Variants in GBE1 observed in about 807,000 individuals in gnomAD.
GBE1 encodes the protein 1,4-alpha-glucan branching enzyme 1.
GBE1 carries 70 observed loss-of-function variants against 88.8 expected under a neutral mutation model. The ratio of observed to expected loss-of-function variants is 0.79; its 90% CI spans 0.65 to 0.96. GBE1 has a LOEUF of 0.96. Among genes scored for constraint, GBE1 ranks in the 40% least tolerant of loss-of-function variants. GBE1 has a pLI of 0.00. For missense variants in GBE1, 872 were observed against 871.0 expected (o/e 1.00, Z -0.01); for synonymous variants, 284 against 300.1 (o/e 0.95, Z 0.56).
At chr3:81,491,395 A>T (rs1702434525) in intron 15 of GBE1, among the ~76,000 whole-genome samples, 1 of 152,176 alleles carries the variant, frequency 6.6e-6, no homozygotes, top group Non-Finnish European at 1.5e-5. Context: ...TCTAACCCTC[A>T]GTTGGTGCCA....
intron 1 of GBE1, among the ~76,000 whole-genome samples, chr3:81,730,548 A>G (rs1023280176): frequency 5.3e-5 from 8 of 152,184 alleles, no homozygotes; most frequent in Admixed American, 3.9e-4. Flanking sequence ...AGCTAACACT[A>G]CTGTGTGGCC....
At chr3:81,750,533 A>AGG in intron 1 of GBE1, among the ~76,000 whole-genome samples, 1 of 76,242 alleles carries the variant, frequency 1.3e-5, no homozygotes, top group East Asian at 1.4e-3. Flanking sequence ...TCATATATAT[A>AGG]TATACGTATA....
intron 10 of GBE1, among the ~76,000 whole-genome samples, chr3:81,582,009 T>G (rs1011295157): frequency 6.6e-6 from 1 of 152,084 alleles, no homozygotes; most frequent in Non-Finnish European, 1.5e-5. Flanking sequence ...TGTGAAACTC[T>G]TGCTTTATAT....
At position 81,761,478 on chromosome 3, in the gene GBE1, A is replaced by T; in HGVS notation, c.40T>A (p.Tyr14Asn). ...PMTPAARPEDYEAALNAALAD... is the reference protein window; with the variant it reads ...PMTPAARPEDNEAALNAALAD... ...AGGGCGGCATTGAGCGCCGCCTCGTAGTCCTCGGGCCGAGCCGCGGGAGTC... is the reference window on the plus strand; with the variant it reads ...AGGGCGGCATTGAGCGCCGCCTCGTTGTCCTCGGGCCGAGCCGCGGGAGTC... Residue 14 changes from tyrosine (Y) to asparagine (N), a missense_variant, in exon 1 of 16, where the codon TAC (tyrosine) becomes AAC (asparagine). Coordinates refer to ENST00000429644, the MANE Select transcript of GBE1 (RefSeq NM_000158.4). 1 of 1,612,708 alleles carries T rather than the reference A, an allele frequency of 6.2e-7. No individual in the cohort carries two copies. The highest frequency in any genetic ancestry group is 8.5e-7 in the Non-Finnish European group (1 of 1,179,554).
At chr3:81,493,352 G>A (rs563306653) in intron 15 of GBE1, among the ~76,000 whole-genome samples, 4 of 152,152 alleles carry the variant, frequency 2.6e-5, no homozygotes, top group East Asian at 1.9e-4. Flanking sequence ...CTGTTAGTGC[G>A]TGTTATAGTG....
At chr3:81,639,950 G>A (rs1260975256) in intron 7 of GBE1, among the ~76,000 whole-genome samples, 1 of 152,146 alleles carries the variant, frequency 6.6e-6, no homozygotes, top group Admixed American at 6.5e-5. Flanking sequence ...CCCAAATTGT[G>A]AGTTTGGGAA....
intron 2 of GBE1, among the ~76,000 whole-genome samples, chr3:81,677,023 T>C (rs1381933563): frequency 6.6e-6 from 1 of 152,186 alleles, no homozygotes; most frequent in African/African-American, 2.4e-5. Flanking sequence ...AATCCTCACA[T>C]AAAATTCTCA....
chr3:81,672,870 C>G (rs1359932361), intron 2 of GBE1, among the ~76,000 whole-genome samples: 2 of 151,864 alleles, frequency 1.3e-5, no homozygotes, highest in African/African-American at 4.8e-5. Context: ...CATTTTATGC[C>G]ATTTTTTCTT....
Position 81,754,308 on chromosome 3 carries a change from G to A in GBE1, c.143+7067C>T, listed in dbSNP as rs138293595. Among the ~76,000 whole-genome samples, 546 of 152,030 alleles carry A rather than the reference G, an allele frequency of 3.6e-3. 5 individuals are homozygous for A. The highest frequency in any genetic ancestry group is 0.012 in the African/African-American group (503 of 41,504). On this transcript the variant is annotated intron_variant, in intron 1 of 15. Transcript: ENST00000429644. ...TAAAACTCTGATGAAAGAAATACAA[G>A]AGGACACCAAAAAATGGGAAGGTAT...
chr3:81,631,745 CAAAA>C (rs201104083), intron 7 of GBE1, among the ~76,000 whole-genome samples: 1 of 120,046 alleles, frequency 8.3e-6, no homozygotes. Flanking sequence ...GACTCTGTCT[CAAAA>C]AAAAAAAAAA....
chr3:81,675,277 A>T (rs968038824), intron 2 of GBE1, among the ~76,000 whole-genome samples: 2 of 152,058 alleles, frequency 1.3e-5, no homozygotes, highest in African/African-American at 4.8e-5. Context: ...GGACTTCTGA[A>T]ATCAAAAATG....
At chr3:81,651,258 C>T (rs991522832) in intron 3 of GBE1, among the ~76,000 whole-genome samples, 3 of 152,088 alleles carry the variant, frequency 2.0e-5, no homozygotes, top group African/African-American at 4.8e-5. Context: ...CATAAGTTGC[C>T]AGAAGTCCCA....
intron 1 of GBE1, among the ~76,000 whole-genome samples, chr3:81,711,223 AAC>A (rs1266427500): frequency 6.6e-6 from 1 of 152,158 alleles, no homozygotes; most frequent in African/African-American, 2.4e-5. Flanking sequence ...AAACCCAAGA[AAC>A]ACACGAGGAA....
At chr3:81,654,452 T>C (rs1042496944) in intron 3 of GBE1, 1 of 152,168 alleles carries the variant, frequency 6.6e-6, no homozygotes, top group Non-Finnish European at 1.5e-5. Context: ...CAGTTTTATA[T>C]AAAAAATCGG....
chr3:81,512,353 T>C (rs1702736758), intron 14 of GBE1, among the ~76,000 whole-genome samples: 1 of 151,922 alleles, frequency 6.6e-6, no homozygotes, highest in Non-Finnish European at 1.5e-5. Context: ...AACCTGTACA[T>C]GTATGCTATG....
In GBE1 at chr3:81,562,285, A is replaced by G. The variant is rs140346782; in HGVS notation, c.1618+15640T>C. Among the ~76,000 whole-genome samples the G allele has an allele frequency of 2.2e-4, 34 of 152,262 alleles. No homozygotes were observed. In the East Asian group the frequency reaches 6.4e-3, roughly 29 times the overall value. Reference sequence around the variant, plus strand: ...TACTTTCTCCCTTGATTTGTTTGATAGACCACAGTACAATACAAAATTTGA... The same window carrying G: ...TACTTTCTCCCTTGATTTGTTTGATGGACCACAGTACAATACAAAATTTGA... On this transcript the variant is annotated intron_variant, in intron 12 of 15. Coordinates refer to ENST00000429644, the MANE Select transcript of GBE1 (RefSeq NM_000158.4).
intron 3 of GBE1, among the ~76,000 whole-genome samples, chr3:81,663,804 C>T (rs1345872528): frequency 6.6e-6 from 1 of 152,160 alleles, no homozygotes; most frequent in African/African-American, 2.4e-5. Context: ...TGTGAGTTCT[C>T]GCAGAGGTTT....
rs573862830 is a variant in GBE1 at position 81,525,779 on chromosome 3, G to A, written c.1934+9416C>T. 5.3e-5 allele frequency among the ~76,000 whole-genome samples: 8 copies of A among 152,138 alleles called. No homozygotes were observed. The South Asian group carries it at 1.7e-3, about 32-fold the overall frequency. ...GTCTTGGGAGAGTGTATGTGTCGAG[G>A]AATTTATCCATTTCTTCTAGATTTT... On this transcript the variant is annotated intron_variant, in intron 14 of 15. Transcript: ENST00000429644.
At chr3:81,621,441 C>T (rs1023097235) in intron 7 of GBE1, among the ~76,000 whole-genome samples, 7 of 152,210 alleles carry the variant, frequency 4.6e-5, no homozygotes, top group African/African-American at 1.7e-4. Context: ...TAAGAGACTG[C>T]CCTCCTCCTG....
Sources: gnomAD v4.1 joint callset for allele counts (sites outside exome capture counted in the v4.1 genomes callset) on GRCh38, gnomAD v4.1.1 for gene constraint, MANE v1.5 for transcripts, NCBI Gene and HGNC (gene_info 2026-07-23, HGNC 2026-07-21) for gene names.